The following MTUS2 variants were observed in gnomAD, a reference collection of about 807,000 sequenced individuals.
MTUS2 encodes the protein microtubule-associated tumor suppressor candidate 2.
Under a neutral mutation model 114.1 loss-of-function variants are expected in MTUS2, and 40 were observed. That is an observed-to-expected ratio of 0.35 (90% CI 0.27 to 0.46). MTUS2 has a LOEUF of 0.46. Among genes scored for constraint, MTUS2 ranks in the 20% least tolerant of loss-of-function variants. The pLI, the probability that MTUS2 is intolerant of heterozygous loss-of-function variation, is 1.00. For synonymous variants in MTUS2, 688 were observed against 672.0 expected (o/e 1.02, Z -0.37); for missense variants, 1,679 against 1,705.4 (o/e 0.98, Z 0.27).
intron 5 of MTUS2, among the ~76,000 whole-genome samples, chr13:29,102,989 C>T (rs962475293): frequency 1.3e-5 from 2 of 152,166 alleles, no homozygotes; most frequent in African/African-American, 2.4e-5. Flanking sequence ...GTGTGGAAAG[C>T]TTTGCTGGAG....
intron 2 of MTUS2, among the ~76,000 whole-genome samples, chr13:28,920,548 C>T (rs149936663): frequency 1.3e-5 from 2 of 152,210 alleles, no homozygotes; most frequent in East Asian, 3.9e-4. Context: ...CCACTATAAC[C>T]ACTACCTGGC....
At chr13:29,090,539 C>T (rs531813857) in intron 4 of MTUS2, among the ~76,000 whole-genome samples, 2 of 152,302 alleles carry the variant, frequency 1.3e-5, no homozygotes, top group South Asian at 4.1e-4. Context: ...GCTGGTTGCA[C>T]ACTGGTGGCA....
chr13:29,283,553 A>G (rs1898359671), intron 6 of MTUS2, among the ~76,000 whole-genome samples: 1 of 152,206 alleles, frequency 6.6e-6, no homozygotes, highest in South Asian at 2.1e-4. Context: ...AATCAACCCT[A>G]TAGCCCAGTG....
intron 5 of MTUS2, among the ~76,000 whole-genome samples, chr13:29,153,718 C>T (rs1047981320): frequency 1.3e-5 from 2 of 152,172 alleles, no homozygotes; most frequent in Non-Finnish European, 2.9e-5. Context: ...CAATTCTCTT[C>T]CTCCTGCATC....
At chr13:29,360,231 A>G (rs1283126026) in intron 8 of MTUS2, among the ~76,000 whole-genome samples, 1 of 152,136 alleles carries the variant, frequency 6.6e-6, no homozygotes, top group Non-Finnish European at 1.5e-5. Flanking sequence ...GCACATATGG[A>G]CCTCCTGGTA....
intron 2 of MTUS2, among the ~76,000 whole-genome samples, chr13:29,021,769 A>G (rs1310622687): frequency 6.6e-6 from 1 of 152,250 alleles, no homozygotes; most frequent in Non-Finnish European, 1.5e-5. Flanking sequence ...CTTAGAGAAC[A>G]TGTGTATCTT....
intron 5 of MTUS2, among the ~76,000 whole-genome samples, chr13:29,211,892 A>G (rs148573024): frequency 1.3e-3 from 202 of 151,138 alleles, no homozygotes; most frequent in Middle Eastern, 6.8e-3. Flanking sequence ...CTTGGAGCCA[A>G]AGTTCACAGT....
chr13:29,234,621 C>A (rs371511568), intron 5 of MTUS2, among the ~76,000 whole-genome samples: 9 of 152,234 alleles, frequency 5.9e-5, no homozygotes, highest in Non-Finnish European at 8.8e-5. Flanking sequence ...AAAAAAACTC[C>A]TTTTTTTCTG....
intron 5 of MTUS2, among the ~76,000 whole-genome samples, chr13:29,147,675 T>G (rs1892492930): frequency 5.9e-5 from 9 of 152,286 alleles, no homozygotes; most frequent in Admixed American, 5.9e-4. Flanking sequence ...CCACTTAAAG[T>G]GGGAACATGC....
intron 2 of MTUS2, among the ~76,000 whole-genome samples, chr13:28,976,151 C>T (rs1412009984): frequency 6.8e-6 from 1 of 146,394 alleles, no homozygotes; most frequent in Admixed American, 6.9e-5. Context: ...CAGCAGTGAG[C>T]CATGATTGCA....
chr13:29,187,663 A>G (rs551545346), intron 5 of MTUS2, among the ~76,000 whole-genome samples: 2 of 152,256 alleles, frequency 1.3e-5, no homozygotes, highest in South Asian at 4.1e-4. Context: ...TTTGTCATTT[A>G]TCATTTGATT....
At chr13:29,291,869 T>C (rs771413865) in intron 6 of MTUS2, among the ~76,000 whole-genome samples, 7 of 152,152 alleles carry the variant, frequency 4.6e-5, no homozygotes, top group Admixed American at 2.0e-4. Context: ...TAACCAGGAC[T>C]TTCTTTTCTC....
chr13:29,196,412 A>G (rs563575770), intron 5 of MTUS2, among the ~76,000 whole-genome samples: 2 of 129,404 alleles, frequency 1.5e-5, no homozygotes, highest in South Asian at 2.8e-4. Flanking sequence ...TCAGATTTTT[A>G]AAAATATTAA....
intron 2 of MTUS2, among the ~76,000 whole-genome samples, chr13:28,997,122 A>G (rs577915491): frequency 2.6e-5 from 4 of 152,322 alleles, no homozygotes; most frequent in East Asian, 3.9e-4. Flanking sequence ...TTCAAAGAAC[A>G]TCTTTATTTC....
intron 2 of MTUS2, among the ~76,000 whole-genome samples, chr13:29,014,622 C>T (rs754621467): frequency 1.3e-5 from 2 of 152,148 alleles, no homozygotes; most frequent in Non-Finnish European, 2.9e-5. Context: ...GAGGACCATC[C>T]AGGAAAGCCC....
intron 4 of MTUS2, among the ~76,000 whole-genome samples, chr13:29,092,222 G>A (rs1221173077): frequency 1.3e-5 from 2 of 152,206 alleles, no homozygotes; most frequent in South Asian, 2.1e-4. Context: ...TGTTTGGTGT[G>A]CGTTCCTCTG....
intron 5 of MTUS2, among the ~76,000 whole-genome samples, chr13:29,143,097 G>A (rs1196634163): frequency 6.6e-6 from 1 of 152,178 alleles, no homozygotes; most frequent in Non-Finnish European, 1.5e-5. Flanking sequence ...ATTCACTGTA[G>A]GATGCTCAGC....
At chr13:29,064,021 C>T (rs73164590) in intron 4 of MTUS2, among the ~76,000 whole-genome samples, 1,823 of 152,212 alleles carry the variant, frequency 0.012, 19 homozygotes, top group Middle Eastern at 0.048. Context: ...GGCCTGGGGG[C>T]GCATTGATTC....
At chr13:29,250,797 G>C (rs1897097376) in intron 5 of MTUS2, among the ~76,000 whole-genome samples, 1 of 152,088 alleles carries the variant, frequency 6.6e-6, no homozygotes, top group South Asian at 2.1e-4. Context: ...TCTTAGTTAA[G>C]TACCAAGAAT....
Sources: gnomAD v4.1 joint callset for allele counts (sites outside exome capture counted in the v4.1 genomes callset) on GRCh38, gnomAD v4.1.1 for gene constraint, MANE v1.5 for transcripts, NCBI Gene and HGNC (gene_info 2026-07-23, HGNC 2026-07-21) for gene names.